PWWP2A: variants seen among roughly 807,000 people sequenced by gnomAD.
PWWP2A encodes the protein PWWP domain containing 2A.
In PWWP2A, 18 loss-of-function variants were observed where a neutral mutation model predicts 48.5. The observed-to-expected ratio is 0.37, with a 90% CI of 0.26 to 0.55. The LOEUF (loss-of-function observed/expected upper bound fraction) is 0.55, where lower values mean the gene tolerates loss of function less well. PWWP2A is among the 20% of genes least tolerant of loss of function. The probability of loss-of-function intolerance (pLI) is 0.81; values close to 1 mark genes in which losing one functional copy is unlikely to be tolerated. For missense variants in PWWP2A, 867 were observed against 976.4 expected, an observed-to-expected ratio of 0.89 and a Z score of 1.49; for synonymous variants, 396 against 387.7, an observed-to-expected ratio of 1.02 and a Z score of -0.25.
chr5:160,109,770 AAAAAATAT>A (rs1254859849), intron 1 of PWWP2A, among the ~76,000 whole-genome samples: 1,056 of 37,926 alleles, frequency 0.028, 11 homozygotes, highest in East Asian at 0.1. Context: ...AAAAAAAAAA[AAAAAATAT>A]ATATATATAT....
downstream of PWWP2A, among the ~76,000 whole-genome samples, chr5:160,070,957 G>A (rs926917006): frequency 1.3e-5 from 2 of 152,234 alleles, no homozygotes; most frequent in African/African-American, 2.4e-5. Flanking sequence ...GGAGGCCAAC[G>A]CGGGCAAATA....
At chr5:160,112,268 T>C (rs1290259934) in intron 1 of PWWP2A, among the ~76,000 whole-genome samples, 1 of 152,118 alleles carries the variant, frequency 6.6e-6, no homozygotes, top group East Asian at 1.9e-4. Context: ...TCATCCGGGC[T>C]AGAGTGCAGT....
chr5:160,056,238 C>A, the PWWP2A span, among the ~76,000 whole-genome samples: 1 of 152,222 alleles, frequency 6.6e-6, no homozygotes, highest in Non-Finnish European at 1.5e-5. Flanking sequence ...CTGCTCCCTG[C>A]CCTGGCCACT....
At chr5:160,090,238 C>T (rs1236772131), downstream of PWWP2A, 1 of 985,174 alleles carries the variant, frequency 1.0e-6, no homozygotes, top group East Asian at 1.1e-4. Flanking sequence ...CACAACAGCA[C>T]ATTTACCAAG....
the PWWP2A span, among the ~76,000 whole-genome samples, chr5:160,050,440 C>G: frequency 6.6e-6 from 1 of 151,912 alleles, no homozygotes; most frequent in African/African-American, 2.4e-5. Context: ...GTGTGAGACT[C>G]TGTCTTAAAA....
At chr5:160,116,311 C>G (rs571508410) in intron 1 of PWWP2A, among the ~76,000 whole-genome samples, 12 of 152,256 alleles carry the variant, frequency 7.9e-5, no homozygotes, top group African/African-American at 2.9e-4. Context: ...CCTGCCTTGG[C>G]CTCCCAAAGT....
At position 160,079,054 on chromosome 5, in the gene PWWP2A, C is replaced by A. The variant is rs183436207; in HGVS notation, c.1670-886G>T. 7.9e-5 allele frequency among the ~76,000 whole-genome samples: 12 copies of A among 152,222 alleles called. No individual in the cohort carries two copies. In the East Asian group the frequency reaches 2.1e-3, roughly 27 times the overall value. ...AAACCTGGAAACCCAAGTACCAACA[C>A]GAGTTTGAGTTCCAAAAGAGATGAT... On this transcript the variant is annotated intron_variant, in intron 3 of 3. Coordinates refer to the PWWP2A transcript ENST00000456329.
intron 1 of PWWP2A, among the ~76,000 whole-genome samples, chr5:160,114,029 G>A (rs1757853108): frequency 6.6e-6 from 1 of 152,126 alleles, no homozygotes; most frequent in African/African-American, 2.4e-5. Context: ...AAAGCATGAG[G>A]TACAATGTCT....
downstream of PWWP2A, among the ~76,000 whole-genome samples, chr5:160,074,118 T>TAA (rs1465240045): frequency 7.3e-5 from 11 of 149,966 alleles, no homozygotes; most frequent in Non-Finnish European, 1.5e-5. Flanking sequence ...GGCAGCATGC[T>TAA]AATCACTAGA....
chr5:160,100,055 C>T (rs1014305029), intron 1 of PWWP2A, among the ~76,000 whole-genome samples: 1 of 151,868 alleles, frequency 6.6e-6, no homozygotes, highest in African/African-American at 2.4e-5. Flanking sequence ...AATCGCAGCA[C>T]TTTGGGAGGC....
chr5:160,072,112 G>GA (rs1254843766), downstream of PWWP2A, among the ~76,000 whole-genome samples: 3 of 152,150 alleles, frequency 2.0e-5, no homozygotes, highest in Non-Finnish European at 1.5e-5. Context: ...AGAAGTGGCT[G>GA]AAAAATCTGT....
chr5:160,111,581 C>T (rs1484699351), intron 1 of PWWP2A, among the ~76,000 whole-genome samples: 3 of 152,034 alleles, frequency 2.0e-5, no homozygotes, highest in African/African-American at 7.3e-5. Context: ...CTACAGTAAG[C>T]TATGATCACA....
chr5:160,091,746 T>C lies in PWWP2A; in HGVS notation c.*636A>G, dbSNP rs1230329762. 2 of 985,146 alleles carry C rather than the reference T, an allele frequency of 2.0e-6. No individual in the cohort carries two copies. The highest frequency in any genetic ancestry group is 3.5e-5 in the African/African-American group (2 of 57,210). The allele number at this position is 985,146 out of a possible 1,614,324, so 61.0% of individuals were successfully genotyped here. On this transcript the variant is annotated 3_prime_UTR_variant, in exon 2 of 2. Transcript: ENST00000307063. ...TCTTGACAGTTTTAATCCCAAACAC[T>C]GGGCTATTTCCCCAGTCTGTAACTG...
downstream of PWWP2A, chr5:160,090,331 T>C (rs1754963449): frequency 2.0e-6 from 2 of 984,564 alleles, no homozygotes; most frequent in Non-Finnish European, 2.4e-6. Context: ...GAATTACATA[T>C]TTTGATGACT....
chr5:160,119,305 C>A lies in PWWP2A; in HGVS notation c.84G>T (p.Glu28Asp), dbSNP rs569271804. 70 of 1,388,826 alleles carry A rather than the reference C, an allele frequency of 5.0e-5. No homozygotes were observed. Among genetic ancestry groups the A allele is most frequent in the Admixed American group, 1.1e-4 (3 of 28,270 alleles). 86.0% of individuals were successfully genotyped at this position (1,388,826 alleles called of 1,614,324 possible). Residue 28 changes from glutamate to aspartate, a missense_variant, in exon 1 of 2, where the codon GAG becomes GAT. Glu to Asp is a conservative substitution (Grantham distance 45). This residue lies in a region of PWWP2A where 385 missense variants were observed against 396.9 expected (regional missense o/e 0.97). Coordinates refer to ENST00000307063, the MANE Select transcript of PWWP2A (RefSeq NM_001130864.2). ...GGAGEAEPEM[E>D]PIPGSEAGTD... ...TGCCGGCCTCACTGCCGGGGATGGG[C>A]TCCATCTCCGGCTCGGCCTCGCCGG...
At chr5:160,110,148 G>A (rs1004319953) in intron 1 of PWWP2A, among the ~76,000 whole-genome samples, 27 of 151,358 alleles carry the variant, frequency 1.8e-4, no homozygotes, top group Admixed American at 3.3e-4. Context: ...AGCCTCCCGA[G>A]TAGCTGGGAT....
intron 1 of PWWP2A, among the ~76,000 whole-genome samples, chr5:160,109,797 AT>A (rs1561698735): frequency 3.4e-4 from 44 of 129,570 alleles, no homozygotes; most frequent in African/African-American, 1.2e-3. Flanking sequence ...ATATATATAT[AT>A]ATATATATAT....
intron 1 of PWWP2A, among the ~76,000 whole-genome samples, chr5:160,103,020 T>C (rs889564577): frequency 6.6e-6 from 1 of 152,214 alleles, no homozygotes; most frequent in African/African-American, 2.4e-5. Context: ...AACTATACTG[T>C]GGCTATAGTT....
chr5:160,102,397 C>CAAAAA (rs70988002), intron 1 of PWWP2A, among the ~76,000 whole-genome samples: 18 of 64,218 alleles, frequency 2.8e-4, no homozygotes, highest in East Asian at 8.9e-4. Flanking sequence ...GACTCCATCT[C>CAAAAA]AAAAAAAAAA....
Sources: allele counts gnomAD v4.1 joint callset (sites outside exome capture counted in the v4.1 genomes callset), GRCh38; gene constraint gnomAD v4.1.1; regional missense constraint gnomAD v4.1.1; transcripts MANE v1.5; gene names NCBI Gene and HGNC (gene_info 2026-07-23, HGNC 2026-07-21).